Variants in ARL15 observed in about 807,000 individuals in gnomAD.
ARL15 encodes the protein ARF like GTPase 15, also known as ADP-ribosylation factor-like protein 15.
Under a neutral mutation model 25.2 loss-of-function variants are expected in ARL15, and 19 were observed. The ratio of observed to expected loss-of-function variants is 0.75; its 90% CI spans 0.53 to 1.10. The LOEUF (loss-of-function observed/expected upper bound fraction) is 1.10. Among genes scored for constraint, ARL15 ranks in the 50% least tolerant of loss-of-function variants. The pLI is 0.00. For missense variants in ARL15, 220 were observed against 246.0 expected (o/e 0.89, Z 0.71); for synonymous variants, 94 against 86.8 (o/e 1.08, Z -0.46).
At chr5:54,159,173 C>G (rs1754328789) in intron 2 of ARL15, among the ~76,000 whole-genome samples, 1 of 152,112 alleles carries the variant, frequency 6.6e-6, no homozygotes, top group Non-Finnish European at 1.5e-5. Flanking sequence ...GTTTTCAGGT[C>G]TATATGCCAT....
chr5:54,033,109 C>T (rs1028849488), intron 4 of ARL15, among the ~76,000 whole-genome samples: 14 of 147,152 alleles, frequency 9.5e-5, no homozygotes, highest in Non-Finnish European at 1.8e-4. Context: ...GGGTGGATCA[C>T]CTGAGGTCAG....
chr5:54,049,533 G>A (rs1282982481), intron 4 of ARL15, among the ~76,000 whole-genome samples: 1 of 152,052 alleles, frequency 6.6e-6, no homozygotes, highest in East Asian at 1.9e-4. Context: ...TATTTTATAA[G>A]CAACTGGAAG....
chr5:54,056,828 C>T (rs1324131338), intron 4 of ARL15, among the ~76,000 whole-genome samples: 1 of 151,962 alleles, frequency 6.6e-6, no homozygotes, highest in African/African-American at 2.4e-5. Flanking sequence ...TTGGGCAAAT[C>T]GTTGTTTTCC....
At chr5:53,950,011 A>T (rs1311652409) in intron 4 of ARL15, among the ~76,000 whole-genome samples, 1 of 152,228 alleles carries the variant, frequency 6.6e-6, no homozygotes, top group Non-Finnish European at 1.5e-5. Context: ...ATGTTAAGCG[A>T]TGCAGAAAAA....
intron 3 of ARL15, among the ~76,000 whole-genome samples, chr5:54,115,734 T>C (rs1752879660): frequency 6.6e-6 from 1 of 152,130 alleles, no homozygotes; most frequent in South Asian, 2.1e-4. Context: ...AGACATGGGA[T>C]ATGAGCAGGG....
At position 54,171,860 on chromosome 5, in the gene ARL15, G is replaced by T; in HGVS notation, c.117C>A (p.Gly39=). The T allele has an allele frequency of 1.2e-6, 2 of 1,613,672 alleles. No individual in the cohort carries two copies. The highest frequency in any genetic ancestry group is 1.7e-6 in the Non-Finnish European group (2 of 1,179,734). Residue 39 remains glycine, a synonymous_variant, in exon 2 of 5, where the codon GGC becomes GGA. Transcript: ENST00000504924. ...GACTGGTTTTGCCAGAACCTGTGAG[G>T]CCTATGCAAACCAGGTCATATTCTG... ...ARPEYDLVCI[G]LTGSGKTSLL... is the part of the protein sequence containing the mutation.
intron 4 of ARL15, among the ~76,000 whole-genome samples, chr5:54,084,433 A>AAG (rs1554039243): frequency 6.6e-6 from 1 of 151,710 alleles, no homozygotes; most frequent in Non-Finnish European, 1.5e-5. Context: ...TCAAAAAAAA[A>AAG]AAAAAGAGAG....
At chr5:54,265,601 A>T (rs935926306) in intron 1 of ARL15, among the ~76,000 whole-genome samples, 6 of 151,354 alleles carry the variant, frequency 4.0e-5, no homozygotes, top group Non-Finnish European at 8.8e-5. Context: ...TTGCACTTTT[A>T]TGGTACTTTC....
intron 1 of ARL15, among the ~76,000 whole-genome samples, chr5:54,290,501 T>A (rs1333743096): frequency 1.3e-5 from 2 of 152,066 alleles, no homozygotes. Flanking sequence ...AGAGACGGGG[T>A]TTCACCATGT....
At chr5:53,900,647 T>A (rs1300566408) in intron 4 of ARL15, among the ~76,000 whole-genome samples, 1 of 152,038 alleles carries the variant, frequency 6.6e-6, no homozygotes, top group African/African-American at 2.4e-5. Context: ...TGAGCTACAA[T>A]GAAAAAGACA....
intron 1 of ARL15, among the ~76,000 whole-genome samples, chr5:54,204,117 A>G (rs1283202382): frequency 6.6e-6 from 1 of 152,182 alleles, no homozygotes; most frequent in Non-Finnish European, 1.5e-5. Context: ...GTGTTAAGTT[A>G]TATACAATTT....
At chr5:54,243,451 T>G (rs1038707673) in intron 1 of ARL15, among the ~76,000 whole-genome samples, 1 of 152,218 alleles carries the variant, frequency 6.6e-6, no homozygotes, top group African/African-American at 2.4e-5. Context: ...TAGGCACCAG[T>G]TGAAATCCCC....
intron 4 of ARL15, among the ~76,000 whole-genome samples, chr5:54,006,875 G>C (rs569800582): frequency 7.1e-4 from 108 of 152,238 alleles, no homozygotes; most frequent in Admixed American, 1.7e-3. Flanking sequence ...TGGATCACCT[G>C]AGGTCGGGAG....
chr5:54,134,952 C>G (rs370903993), intron 3 of ARL15, among the ~76,000 whole-genome samples: 3 of 151,984 alleles, frequency 2.0e-5, no homozygotes, highest in African/African-American at 4.8e-5. Flanking sequence ...AGTAGACAGT[C>G]TGATACATGT....
At chr5:54,053,197 G>C (rs1266679576) in intron 4 of ARL15, among the ~76,000 whole-genome samples, 1 of 152,002 alleles carries the variant, frequency 6.6e-6, no homozygotes, top group African/African-American at 2.4e-5. Flanking sequence ...TGGAGACTAG[G>C]AGCAATATGG....
intron 4 of ARL15, among the ~76,000 whole-genome samples, chr5:54,043,874 G>T (rs27926): frequency 6.6e-6 from 1 of 151,742 alleles, no homozygotes; most frequent in Non-Finnish European, 1.5e-5. Flanking sequence ...TTAGCCAGGT[G>T]TGGTGGTATG....
At chr5:54,200,407 A>G (rs1755687583) in intron 1 of ARL15, among the ~76,000 whole-genome samples, 1 of 151,992 alleles carries the variant, frequency 6.6e-6, no homozygotes, top group Non-Finnish European at 1.5e-5. Context: ...ACAAGTCCTC[A>G]TCGGAGGCAC....
At chr5:54,102,165 A>C (rs1368911765) in intron 4 of ARL15, among the ~76,000 whole-genome samples, 4 of 151,862 alleles carry the variant, frequency 2.6e-5, no homozygotes, top group Non-Finnish European at 5.9e-5. Flanking sequence ...GGCGTGCACC[A>C]CCACGCCCGG....
intron 1 of ARL15, among the ~76,000 whole-genome samples, chr5:54,185,374 T>A (rs895673463): frequency 1.3e-5 from 2 of 152,192 alleles, no homozygotes; most frequent in African/African-American, 4.8e-5. Flanking sequence ...CTGATTTAGA[T>A]GACCTTCTCC....
Sources: gnomAD v4.1 joint callset for allele counts (sites outside exome capture counted in the v4.1 genomes callset) on GRCh38, gnomAD v4.1.1 for gene constraint, MANE v1.5 for transcripts, NCBI Gene and HGNC (gene_info 2026-07-23, HGNC 2026-07-21) for gene names.